Variants in LCA5L observed in about 807,000 individuals in gnomAD.
The protein encoded by LCA5L is lebercilin-like protein.
Under a neutral mutation model 45.4 loss-of-function variants are expected in LCA5L, and 35 were observed. The observed-to-expected ratio is 0.77, with a 90% confidence interval of 0.59 to 1.02. LCA5L has a LOEUF of 1.02. Among genes scored for constraint, LCA5L ranks in the 50% least tolerant of loss-of-function variants. The pLI is 0.00. For synonymous variants in LCA5L, 233 were observed against 264.7 expected (o/e 0.88, Z 1.16); for missense variants, 668 against 761.6 (o/e 0.88, Z 1.45).
intron 7 of LCA5L, among the ~76,000 whole-genome samples, chr21:39,415,469 C>CT (rs1317962052): frequency 6.6e-6 from 1 of 152,226 alleles, no homozygotes; most frequent in Non-Finnish European, 1.5e-5. Context: ...CCCACTCTCT[C>CT]TGACCACTCC....
rs909752737 is a variant in LCA5L, at chr21:39,422,786, C to G, written c.837+190G>C. ...AACAGATGAACATTTCTAGTTTGAG[C>G]TGCTTCTGTTTTTCCTTCAAACCAC... On this transcript the variant is annotated intron_variant, in intron 6 of 10. Transcript: ENST00000288350. The G allele has an allele frequency of 2.0e-5, 12 of 596,060 alleles. No individual in the cohort carries two copies. The South Asian group carries it at 2.4e-4, about 12-fold the overall frequency. 36.9% of individuals were successfully genotyped at this position (596,060 alleles called of 1,614,324 possible). A position where few individuals can be genotyped will look rare whatever the true frequency, so the allele number is the denominator to read the frequency against.
intron 5 of LCA5L, among the ~76,000 whole-genome samples, chr21:39,426,311 C>T (rs2837023): frequency 0.23 from 34,967 of 152,038 alleles, 4,522 homozygotes; most frequent in African/African-American, 0.35. Flanking sequence ...GAGTAATCAG[C>T]TTTAAAAAGC....
chr21:39,440,967 T>C (rs1211374786), intron 2 of LCA5L, among the ~76,000 whole-genome samples: 1 of 152,202 alleles, frequency 6.6e-6, no homozygotes, highest in Admixed American at 6.5e-5. Context: ...CTTTATCTAC[T>C]TTTATGTGTC....
At chr21:39,432,633 G>T (rs899163928) in intron 3 of LCA5L, among the ~76,000 whole-genome samples, 3 of 152,108 alleles carry the variant, frequency 2.0e-5, no homozygotes, top group African/African-American at 7.2e-5. Flanking sequence ...ATCTCCCAAA[G>T]CCTCCCAGCA....
intron 5 of LCA5L, chr21:39,426,060 G>A (rs920486019): frequency 6.6e-6 from 1 of 152,202 alleles, no homozygotes; most frequent in African/African-American, 2.4e-5. Flanking sequence ...GAAGGGCAGA[G>A]GCTTCTCCCC....
intron 7 of LCA5L, among the ~76,000 whole-genome samples, chr21:39,416,429 C>A (rs7275686): frequency 0.23 from 34,897 of 151,982 alleles, 4,349 homozygotes; most frequent in African/African-American, 0.33. Flanking sequence ...TTAATAGTTT[C>A]TTTGCTTTTG....
At position 39,406,026 on chromosome 21, in the gene LCA5L, C is replaced by T. The variant is rs759289340; in HGVS notation, c.1869G>A (p.Glu623=). 11 of 1,614,108 alleles carry T rather than the reference C, an allele frequency of 6.8e-6. No individual in the cohort carries two copies. The highest frequency in any genetic ancestry group is 9.3e-6 in the Non-Finnish European group (11 of 1,180,048). ...GCGACTCCTTACTTTGCAAAGGCTC[C>T]TCTGAGCCTTTTGCAACACCAGGAC... ...QSSPGVAKGS[E]EPLQSKESHP... is the part of the protein sequence containing the mutation. The change falls in exon 11 of 11, where the codon GAG becomes GAA. Residue 623 remains glutamate, a synonymous_variant. Coordinates refer to ENST00000288350, the MANE Select transcript of LCA5L (RefSeq NM_152505.4).
In LCA5L at chr21:39,406,009, T is replaced by C; in HGVS notation, c.1886A>G (p.Lys629Arg). 6.2e-7 allele frequency: 1 copy of C among 1,614,246 alleles called. No homozygotes were observed. Residue 629 changes from lysine to arginine, a missense_variant, in exon 11 of 11, where the codon AAG becomes AGG. Coordinates refer to ENST00000288350, the MANE Select transcript of LCA5L (RefSeq NM_152505.4). ...AKGSEEPLQS[K>R]ESHPLPPSQA... ...ACTGGGAGGCAGGGGATGCGACTCC[T>C]TACTTTGCAAAGGCTCCTCTGAGCC...
At chr21:39,434,665 A>G (rs796885856) in intron 3 of LCA5L, among the ~76,000 whole-genome samples, 6 of 152,124 alleles carry the variant, frequency 3.9e-5, no homozygotes, top group African/African-American at 1.4e-4. Context: ...TTACAGGCAC[A>G]TACCACCATG....
chr21:39,423,793 T>C (rs1319620124), intron 5 of LCA5L, among the ~76,000 whole-genome samples: 1 of 152,194 alleles, frequency 6.6e-6, no homozygotes, highest in Non-Finnish European at 1.5e-5. Context: ...ACAGAATGGA[T>C]TGAAAACCAG....
At position 39,420,770 on chromosome 21, in the gene LCA5L, A is replaced by G. The variant is rs144492731; in HGVS notation, c.911T>C (p.Leu304Ser). 78 of 1,613,718 alleles carry G rather than the reference A, an allele frequency of 4.8e-5. 1 individual carries two copies. Among genetic ancestry groups the G allele is most frequent in the African/African-American group, 4.8e-4 (36 of 75,046 alleles). Reference sequence around the variant, plus strand: ...AGTCTTGGTAGCTGTCTGAGCTGCTAAAGTCTTCCGAGTCTCAATAGCCAG... The same window carrying G: ...AGTCTTGGTAGCTGTCTGAGCTGCTGAAGTCTTCCGAGTCTCAATAGCCAG... The part of the protein sequence containing the change: ...RQLAIETRKT[L>S]AAQTATKTLQ... The change falls in exon 7 of 11, where the codon TTA (leucine) becomes TCA (serine). Residue 304 changes from leucine to serine, a missense_variant. Physicochemically the swap from Leu to Ser is moderately radical, Grantham distance 145. Coordinates refer to ENST00000288350, the MANE Select transcript of LCA5L (RefSeq NM_152505.4).
intron 7 of LCA5L, among the ~76,000 whole-genome samples, chr21:39,412,641 G>C (rs1435857226): frequency 2.6e-5 from 4 of 152,114 alleles, no homozygotes; most frequent in South Asian, 4.1e-4. Flanking sequence ...CGGGGAGAGA[G>C]AGCTCTTGTC....
intron 2 of LCA5L, among the ~76,000 whole-genome samples, chr21:39,443,234 G>A (rs1470898883): frequency 6.6e-6 from 1 of 152,204 alleles, no homozygotes; most frequent in African/African-American, 2.4e-5. Context: ...TGTCGAAAGG[G>A]ATAAGGGATT....
intron 7 of LCA5L, among the ~76,000 whole-genome samples, chr21:39,419,787 T>C (rs2041973370): frequency 1.3e-5 from 2 of 152,174 alleles, no homozygotes; most frequent in African/African-American, 2.4e-5. Flanking sequence ...GATTTATTAG[T>C]TGAGGCTTGA....
intron 7 of LCA5L, chr21:39,413,774 A>G (rs1255159871): frequency 6.6e-6 from 1 of 152,192 alleles, no homozygotes; most frequent in East Asian, 1.9e-4. Flanking sequence ...ATGAGTTTTC[A>G]TCCACACTGG....
chr21:39,408,070 T>C (rs1172898800), intron 10 of LCA5L, among the ~76,000 whole-genome samples: 1 of 152,256 alleles, frequency 6.6e-6, no homozygotes, highest in Admixed American at 6.5e-5. Flanking sequence ...CTGAATGAAC[T>C]CTGGGACTCA....
chr21:39,428,897 A>T (rs1367779870), intron 4 of LCA5L, among the ~76,000 whole-genome samples: 1 of 151,852 alleles, frequency 6.6e-6, no homozygotes, highest in Non-Finnish European at 1.5e-5. Flanking sequence ...TACAGGCGTG[A>T]GCCACCATGC....
chr21:39,441,105 G>A (rs1032603675), intron 2 of LCA5L, among the ~76,000 whole-genome samples: 7 of 152,094 alleles, frequency 4.6e-5, no homozygotes, highest in African/African-American at 9.7e-5. Flanking sequence ...GGAGGCTGAG[G>A]TGGGCAGATC....
chr21:39,406,354 G>A lies in LCA5L; in HGVS notation c.1541C>T (p.Thr514Met), dbSNP rs147712761. Residue 514 changes from threonine to methionine, a missense_variant, in exon 11 of 11, where the codon ACG becomes ATG. Coordinates refer to ENST00000288350, the MANE Select transcript of LCA5L (RefSeq NM_152505.4). The part of the protein sequence containing the change: ...DTLGKGTAPY[T>M]KGPLRQRRHY... ...TCTTCTTTGTCTGAGGGGGCCTTTC[G>A]TGTAGGGAGCAGTGCCTTTGCCAAG... 9.5e-5 allele frequency: 154 copies of A among 1,614,024 alleles called. No homozygotes were observed. Among genetic ancestry groups the A allele is most frequent in the Non-Finnish European group, 1.2e-4 (141 of 1,180,024 alleles).
Sources: gnomAD v4.1 joint callset for allele counts (sites outside exome capture counted in the v4.1 genomes callset) on GRCh38, gnomAD v4.1.1 for gene constraint, MANE v1.5 for transcripts, NCBI Gene and HGNC (gene_info 2026-07-23, HGNC 2026-07-21) for gene names.